The following CTDSPL2 variants were observed in gnomAD, a reference collection of about 807,000 sequenced individuals.
CTDSPL2 encodes CTD small phosphatase like 2.
A neutral mutation model predicts 60.0 loss-of-function variants in CTDSPL2; 5 were observed. The observed-to-expected ratio is 0.08, with a 90% CI of 0.04 to 0.18. CTDSPL2 has a LOEUF of 0.18. Among genes scored for constraint, CTDSPL2 ranks in the 10% least tolerant of loss-of-function variants. The probability of loss-of-function intolerance (pLI) is 1.00; values close to 1 mark genes in which losing one functional copy is unlikely to be tolerated. For synonymous variants in CTDSPL2, 186 were observed against 189.3 expected (o/e 0.98, Z 0.14); for missense variants, 370 against 548.8 (o/e 0.67, Z 3.26).
At chr15:44,445,898 A>G (rs542488987) in intron 1 of CTDSPL2, among the ~76,000 whole-genome samples, 1,560 of 150,388 alleles carry the variant, frequency 0.01, 39 homozygotes, top group African/African-American at 0.037. Context: ...CGGCCTGTCA[A>G]ACTGCTGGGA....
At chr15:44,485,190 C>T (rs1386359090) in intron 3 of CTDSPL2, among the ~76,000 whole-genome samples, 1 of 152,190 alleles carries the variant, frequency 6.6e-6, no homozygotes, top group African/African-American at 2.4e-5. Flanking sequence ...TCCTACAATA[C>T]ACAGGACAGC....
intron 10 of CTDSPL2, among the ~76,000 whole-genome samples, chr15:44,517,754 C>T (rs115054844): frequency 5.4e-4 from 82 of 152,324 alleles, no homozygotes; most frequent in African/African-American, 1.9e-3. Context: ...GAAGAGGCAT[C>T]AACAGTGACT....
rs1042361981 is a variant in CTDSPL2, at chr15:44,437,779, T to A, written c.-25+10007T>A. ...AAAGAAACAGATTATTTAATACAATTTAAGAGCTAAATTAGAGATAATCAC... is the reference window on the plus strand; with the variant it reads ...AAAGAAACAGATTATTTAATACAATATAAGAGCTAAATTAGAGATAATCAC... On this transcript the variant is annotated intron_variant, in intron 1 of 12. Transcript: ENST00000260327. 2.0e-5 allele frequency among the ~76,000 whole-genome samples: 3 copies of A among 152,314 alleles called. No individual in the cohort carries two copies. The South Asian group carries it at 6.2e-4, about 32-fold the overall frequency.
At chr15:44,476,161 C>T (rs554892988) in intron 2 of CTDSPL2, among the ~76,000 whole-genome samples, 7 of 152,218 alleles carry the variant, frequency 4.6e-5, no homozygotes, top group African/African-American at 1.2e-4. Flanking sequence ...CTCCACCTCC[C>T]GGGTTCATGC....
At chr15:44,494,454 A>G (rs189182835) in intron 5 of CTDSPL2, among the ~76,000 whole-genome samples, 3 of 152,056 alleles carry the variant, frequency 2.0e-5, no homozygotes, top group Non-Finnish European at 4.4e-5. Context: ...CCACAAAAAA[A>G]TTTTTAAAAA....
Position 44,527,206 on chromosome 15 carries a change from G to C in CTDSPL2, c.*3032G>C, listed in dbSNP as rs1218293071. Reference sequence around the variant, plus strand: ...AAGCATTGTGTAACTTCTATAAACGGCTATTTTCTTGTAACTGTCAGTGAA... The same window carrying C: ...AAGCATTGTGTAACTTCTATAAACGCCTATTTTCTTGTAACTGTCAGTGAA... On this transcript the variant is annotated 3_prime_UTR_variant, in exon 13 of 13. Transcript: ENST00000260327. The C allele has an allele frequency of 6.6e-6, 1 of 152,424 alleles. No individual in the cohort carries two copies. The highest frequency in any genetic ancestry group is 2.4e-5 in the African/African-American group (1 of 41,486). The allele number at this position is 152,424 out of a possible 1,614,324, so 9.4% of individuals were successfully genotyped here. A position where few individuals can be genotyped will look rare whatever the true frequency, so the allele number is the denominator to read the frequency against.
chr15:44,436,627 C>T, intron 1 of CTDSPL2, among the ~76,000 whole-genome samples: 1 of 152,188 alleles, frequency 6.6e-6, no homozygotes, highest in East Asian at 1.9e-4. Flanking sequence ...CTGAGTGTGT[C>T]CACCTCTTAG....
chr15:44,435,660 G>A (rs1391133056), intron 1 of CTDSPL2, among the ~76,000 whole-genome samples: 1 of 144,674 alleles, frequency 6.9e-6, no homozygotes, highest in African/African-American at 2.5e-5. Flanking sequence ...AATCTGGAGC[G>A]CAGTGGCGCA....
At position 44,521,168 on chromosome 15, in the gene CTDSPL2, CAAAGA is replaced by C. The variant is rs3833970; in HGVS notation, c.1240-138_1240-134del. On this transcript the variant is annotated intron_variant, in intron 11 of 12. Coordinates refer to ENST00000260327, the MANE Select transcript of CTDSPL2 (RefSeq NM_016396.3). ...TCTGTCTCTTGCACTATTGAGTTGT[CAAAGA>C]AAAGTCTGGTGACATTACTTTTCAA... 0.022 allele frequency: 10,333 copies of C among 480,066 alleles called. 1,010 individuals carry two copies. The East Asian group carries it at 0.24, about 11-fold the overall frequency. 29.7% of individuals were successfully genotyped at this position (480,066 alleles called of 1,614,324 possible). A position where few individuals can be genotyped will look rare whatever the true frequency, so the allele number is the denominator to read the frequency against.
At chr15:44,486,755 TGGG>T in intron 4 of CTDSPL2, 55 bp downstream of exon 4, 1 of 1,216,076 alleles carries the variant, frequency 8.2e-7, no homozygotes, top group South Asian at 1.5e-5. Context: ...ATGCATAGTT[TGGG>T]TTTTTTTTTT....
chr15:44,437,589 C>T (rs2080002575), intron 1 of CTDSPL2, among the ~76,000 whole-genome samples: 1 of 152,246 alleles, frequency 6.6e-6, no homozygotes, highest in South Asian at 2.1e-4. Context: ...GTTTATGTTT[C>T]AGTGATACGG....
intron 2 of CTDSPL2, among the ~76,000 whole-genome samples, chr15:44,466,812 G>A (rs996652988): frequency 2.0e-5 from 3 of 151,910 alleles, no homozygotes; most frequent in Non-Finnish European, 2.9e-5. Flanking sequence ...GGTGGCGGGC[G>A]CCTGTAGTCC....
At chr15:44,456,853 C>CTTTTTTTTTTTCTTTTTTTTTT (rs2080454432) in intron 1 of CTDSPL2, among the ~76,000 whole-genome samples, 2 of 103,984 alleles carry the variant, frequency 1.9e-5, no homozygotes, top group Admixed American at 9.2e-5. Flanking sequence ...AGTTTTAGAT[C>CTTTTTTTTTTTCTTTTTTTTTT]TTTTTTTTTT....
chr15:44,462,968 G>T (rs1203034715), intron 2 of CTDSPL2, among the ~76,000 whole-genome samples: 1 of 151,932 alleles, frequency 6.6e-6, no homozygotes, highest in Admixed American at 6.6e-5. Context: ...GCCTCCCAAA[G>T]TGTTGGGATT....
chr15:44,435,531 C>T (rs1183108974), intron 1 of CTDSPL2, among the ~76,000 whole-genome samples: 4 of 150,082 alleles, frequency 2.7e-5, no homozygotes, highest in South Asian at 2.1e-4. Flanking sequence ...ATCGCGCCAT[C>T]GCAGTCCAGC....
intron 2 of CTDSPL2, among the ~76,000 whole-genome samples, chr15:44,467,709 G>A (rs879437099): frequency 5.3e-5 from 8 of 152,094 alleles, no homozygotes; most frequent in Admixed American, 2.6e-4. Flanking sequence ...AAGTAACTGG[G>A]ATTACAGGCA....
At chr15:44,456,109 C>G (rs2140683663) in intron 1 of CTDSPL2, among the ~76,000 whole-genome samples, 1 of 152,126 alleles carries the variant, frequency 6.6e-6, no homozygotes, top group African/African-American at 2.4e-5. Flanking sequence ...CTCGGCCTCC[C>G]AAAGTGCTGG....
intron 8 of CTDSPL2, among the ~76,000 whole-genome samples, chr15:44,504,086 G>T (rs745445900): frequency 1.3e-5 from 2 of 152,138 alleles, no homozygotes; most frequent in Non-Finnish European, 2.9e-5. Flanking sequence ...AGTGGCTCAC[G>T]CCTGTAATCC....
At chr15:44,500,974 A>T (rs1170090819) in intron 8 of CTDSPL2, among the ~76,000 whole-genome samples, 6 of 152,170 alleles carry the variant, frequency 3.9e-5, no homozygotes, top group Non-Finnish European at 8.8e-5. Flanking sequence ...TAAAAGATTT[A>T]AAGATTTTTC....
Sources: allele counts gnomAD v4.1 joint callset (sites outside exome capture counted in the v4.1 genomes callset), GRCh38; gene constraint gnomAD v4.1.1; transcripts MANE v1.5; gene names NCBI Gene and HGNC (gene_info 2026-07-23, HGNC 2026-07-21).